Variants in PAPPA observed in about 807,000 individuals in gnomAD.
PAPPA encodes pappalysin-1.
A neutral mutation model predicts 164.0 loss-of-function variants in PAPPA; 60 were observed. That is an observed-to-expected ratio of 0.37 (90% CI 0.30 to 0.45). The LOEUF is 0.45. PAPPA is among the 20% of genes least tolerant of loss of function. PAPPA has a pLI of 1.00. For synonymous variants in PAPPA, 875 were observed against 814.1 expected (o/e 1.07, Z -1.27); for missense variants, 1,782 against 2,087.3 (o/e 0.85, Z 2.85).
At chr9:116,267,209 A>G (rs1438310575) in intron 8 of PAPPA, among the ~76,000 whole-genome samples, 1 of 152,218 alleles carries the variant, frequency 6.6e-6, no homozygotes, top group Non-Finnish European at 1.5e-5. Flanking sequence ...GCTAGAGGGG[A>G]AGAACAATTT....
intron 1 of PAPPA, among the ~76,000 whole-genome samples, chr9:116,176,014 A>G (rs1324646171): frequency 6.6e-6 from 1 of 152,190 alleles, no homozygotes; most frequent in East Asian, 1.9e-4. Context: ...TGGGTCAAAG[A>G]CTGACTACAT....
At chr9:116,275,522 T>C (rs931270800) in intron 9 of PAPPA, among the ~76,000 whole-genome samples, 1 of 152,202 alleles carries the variant, frequency 6.6e-6, no homozygotes, top group African/African-American at 2.4e-5. Flanking sequence ...CTCTCCAGTC[T>C]GAGTAGAGAA....
chr9:116,277,245 G>A (rs1050874218), intron 9 of PAPPA, among the ~76,000 whole-genome samples: 11 of 152,218 alleles, frequency 7.2e-5, no homozygotes, highest in Middle Eastern at 6.8e-3. Context: ...ACCTCCCTCC[G>A]TGGAAAAAGT....
intron 13 of PAPPA, among the ~76,000 whole-genome samples, chr9:116,337,373 A>ACTGC (rs1846074769): frequency 6.6e-6 from 1 of 152,238 alleles, no homozygotes; most frequent in Non-Finnish European, 1.5e-5. Flanking sequence ...TACCAAAACA[A>ACTGC]GCAGGACTCT....
chr9:116,163,054 A>G (rs548303392), intron 1 of PAPPA, among the ~76,000 whole-genome samples: 1 of 152,348 alleles, frequency 6.6e-6, no homozygotes, highest in Non-Finnish European at 1.5e-5. Context: ...CAAGCATGCA[A>G]CAACTATTTT....
intron 12 of PAPPA, 39 bp from the exon 13 acceptor site, chr9:116,334,822 A>G (rs1275339309): frequency 1.3e-6 from 2 of 1,527,976 alleles, no homozygotes; most frequent in South Asian, 2.3e-5. Flanking sequence ...GCCTTGAGTA[A>G]TGAGCCTGGC....
intron 21 of PAPPA, among the ~76,000 whole-genome samples, chr9:116,383,441 A>T (rs1430031133): frequency 1.3e-5 from 2 of 152,232 alleles, no homozygotes; most frequent in African/African-American, 4.8e-5. Context: ...AGAGCCCTCT[A>T]TGACTATCTT....
intron 21 of PAPPA, among the ~76,000 whole-genome samples, chr9:116,395,190 C>T (rs1419700759): frequency 6.6e-6 from 1 of 152,110 alleles, no homozygotes; most frequent in African/African-American, 2.4e-5. Flanking sequence ...GGTCACATCT[C>T]AAGTAGATGA....
chr9:116,374,179 A>ATGG (rs1449956297), intron 19 of PAPPA, among the ~76,000 whole-genome samples: 4 of 115,648 alleles, frequency 3.5e-5, no homozygotes, highest in African/African-American at 1.2e-4. Flanking sequence ...GTTGATGATG[A>ATGG]TGATGGTGGT....
chr9:116,395,708 C>T (rs367857718), intron 21 of PAPPA, among the ~76,000 whole-genome samples: 2 of 152,182 alleles, frequency 1.3e-5, no homozygotes, highest in East Asian at 3.9e-4. Flanking sequence ...GAACTCAGTT[C>T]TCTCACTTGT....
At chr9:116,322,697 T>C (rs1024665912) in intron 10 of PAPPA, among the ~76,000 whole-genome samples, 11 of 152,188 alleles carry the variant, frequency 7.2e-5, no homozygotes, top group Admixed American at 5.2e-4. Context: ...CTTGCAATTC[T>C]TGGGAAATAA....
intron 9 of PAPPA, chr9:116,286,344 G>A (rs189885453): frequency 8.5e-5 from 13 of 152,258 alleles, no homozygotes; most frequent in African/African-American, 3.1e-4. Flanking sequence ...CCAAATCTCA[G>A]TCTGCGGCTT....
intron 13 of PAPPA, among the ~76,000 whole-genome samples, chr9:116,337,425 A>G (rs1380180226): frequency 6.6e-6 from 1 of 152,250 alleles, no homozygotes; most frequent in African/African-American, 2.4e-5. Context: ...CAAGGGAGGA[A>G]AGGAAAGAAA....
intron 1 of PAPPA, among the ~76,000 whole-genome samples, chr9:116,180,967 G>A (rs1843897804): frequency 6.6e-6 from 1 of 152,198 alleles, no homozygotes; most frequent in South Asian, 2.1e-4. Flanking sequence ...TTGCTGTGAG[G>A]ATTCTAGGAG....
intron 9 of PAPPA, among the ~76,000 whole-genome samples, chr9:116,296,285 T>C (rs751864703): frequency 7.0e-4 from 107 of 152,370 alleles, no homozygotes; most frequent in Non-Finnish European, 1.2e-3. Context: ...TGGTCAGTAA[T>C]AGCATTACAA....
At chr9:116,334,804 C>A in intron 12 of PAPPA, 57 bp from the exon 13 acceptor site, 2 of 1,332,148 alleles carry the variant, frequency 1.5e-6, no homozygotes, top group Non-Finnish European at 2.1e-6. Flanking sequence ...TTGGGGAGGG[C>A]GTGACTGGCC....
In PAPPA at chr9:116,154,638, G is replaced by A; in HGVS notation, c.415+51G>A. ...CTGCACCGTCCCTGCGGCCCCAGAG[G>A]CTCGCGGGTGTCTGGGCGCGGGTGG... On this transcript the variant is annotated intron_variant, in intron 1 of 21. Transcript: ENST00000328252. This position sits in a 1 kb window ranked among gnomAD's most constrained non-coding sequence, Gnocchi z 5.2. 1 of 1,276,196 alleles carries A rather than the reference G, an allele frequency of 7.8e-7. No individual in the cohort carries two copies. The highest frequency in any genetic ancestry group is 9.9e-7 in the Non-Finnish European group (1 of 1,010,336). 79.1% of individuals were successfully genotyped at this position (1,276,196 alleles called of 1,614,324 possible).
chr9:116,297,807 T>A (rs1845528208), intron 9 of PAPPA, among the ~76,000 whole-genome samples: 1 of 152,214 alleles, frequency 6.6e-6, no homozygotes, highest in African/African-American at 2.4e-5. Flanking sequence ...AACCTCATTA[T>A]CATCATTGTT....
intron 3 of PAPPA, 70 bp from the exon 4 acceptor site, chr9:116,211,569 G>A: frequency 1.5e-6 from 2 of 1,377,588 alleles, no homozygotes; most frequent in South Asian, 1.3e-5. Flanking sequence ...TATCCTTGAT[G>A]GACTTGGGGG....
Sources: gnomAD v4.1 joint callset for allele counts (sites outside exome capture counted in the v4.1 genomes callset) on GRCh38, gnomAD v4.1.1 for gene constraint, Gnocchi (gnomAD v3.1) non-coding constraint, MANE v1.5 for transcripts, NCBI Gene and HGNC (gene_info 2026-07-23, HGNC 2026-07-21) for gene names.